Variants in NRG1 observed in about 807,000 individuals in gnomAD.
NRG1 encodes the protein neuregulin 1, also known as pro-neuregulin-1, membrane-bound isoform.
NRG1 carries 18 observed loss-of-function variants against 63.8 expected under a neutral mutation model. The observed-to-expected ratio is 0.28, with a 90% CI of 0.19 to 0.42. NRG1 has a LOEUF of 0.42. NRG1 is among the 10% of genes least tolerant of loss of function. The pLI, the probability that NRG1 is intolerant of heterozygous loss-of-function variation, is 1.00. For synonymous variants in NRG1, 302 were observed against 301.3 expected, an observed-to-expected ratio of 1.00 and a Z score of -0.02; for missense variants, 762 against 814.7, an observed-to-expected ratio of 0.94 and a Z score of 0.79.
chr8:31,689,165 T>A (rs797014118), intron 1 of NRG1, among the ~76,000 whole-genome samples: 12 of 152,344 alleles, frequency 7.9e-5, no homozygotes, highest in African/African-American at 2.9e-4. Flanking sequence ...TAAGGTCACA[T>A]GATTAACAAT....
chr8:32,321,084 A>T (rs1373091495), intron 1 of NRG1, among the ~76,000 whole-genome samples: 3 of 152,178 alleles, frequency 2.0e-5, no homozygotes, highest in Non-Finnish European at 4.4e-5. Flanking sequence ...GATCTAAAAC[A>T]CTGTGGCACT....
chr8:32,749,836 A>G lies in NRG1; in HGVS notation c.692-4536A>G, dbSNP rs545325123. 3 of 542,494 alleles carry G rather than the reference A, an allele frequency of 5.5e-6. No homozygotes were observed. The East Asian group carries it at 9.5e-5, about 17-fold the overall frequency. 33.6% of individuals were successfully genotyped at this position (542,494 alleles called of 1,614,324 possible). On this transcript the variant is annotated intron_variant, in intron 7 of 11. Coordinates refer to ENST00000356819, the Ensembl canonical transcript of NRG1. ...TTTAAAAGTACCCTACCTGCTGCAA[A>G]TTCACATATATCCCACGCTGCTTAA...
At chr8:32,324,019 T>G (rs1251496571) in intron 1 of NRG1, among the ~76,000 whole-genome samples, 1 of 151,948 alleles carries the variant, frequency 6.6e-6, no homozygotes, top group Non-Finnish European at 1.5e-5. Flanking sequence ...AACTATAAAG[T>G]GGCTACGTGA....
intron 1 of NRG1, among the ~76,000 whole-genome samples, chr8:32,251,758 G>T: frequency 6.6e-6 from 1 of 152,176 alleles, no homozygotes; most frequent in East Asian, 1.9e-4. Flanking sequence ...ACCGGCGTGA[G>T]ATGGTATCTC....
chr8:32,140,583 T>C (rs1426304339), intron 1 of NRG1, among the ~76,000 whole-genome samples: 1 of 152,076 alleles, frequency 6.6e-6, no homozygotes, highest in Non-Finnish European at 1.5e-5. Flanking sequence ...TTCCTCAGCC[T>C]ACTGAGTAGC....
At chr8:31,771,045 A>G (rs891300866) in intron 1 of NRG1, among the ~76,000 whole-genome samples, 1 of 152,116 alleles carries the variant, frequency 6.6e-6, no homozygotes, top group African/African-American at 2.4e-5. Context: ...CATATGGTTC[A>G]CTGAAACTTT....
At chr8:32,345,070 G>T (rs1032664446) in intron 1 of NRG1, among the ~76,000 whole-genome samples, 5 of 152,126 alleles carry the variant, frequency 3.3e-5, no homozygotes, top group African/African-American at 4.8e-5. Flanking sequence ...CACTTCCTCT[G>T]CAGGTGATGT....
At position 32,352,600 on chromosome 8, in the gene NRG1, G is replaced by C. The variant is rs1034916609; in HGVS notation, c.38-243228G>C. Among the ~76,000 whole-genome samples the C allele has an allele frequency of 3.0e-4, 45 of 152,104 alleles. 1 individual carries two copies. The highest frequency in any genetic ancestry group is 2.9e-3 in the Admixed American group (45 of 15,270). ...AGGAATACTTCATACTGTAAAGATG[G>C]CCAGGTGTAGTGGTTCACACCTGTA... On this transcript the variant is annotated intron_variant, in intron 1 of 10. Coordinates refer to the NRG1 transcript ENST00000519301.
At chr8:32,523,800 G>A (rs1199698993) in intron 1 of NRG1, among the ~76,000 whole-genome samples, 1 of 152,012 alleles carries the variant, frequency 6.6e-6, no homozygotes, top group Admixed American at 6.6e-5. Context: ...GCGAGATCAT[G>A]CCACTGCACT....
chr8:32,464,745 C>T (rs1228379491), intron 1 of NRG1, among the ~76,000 whole-genome samples: 2 of 152,016 alleles, frequency 1.3e-5, no homozygotes, highest in African/African-American at 4.8e-5. Flanking sequence ...ATGTCATTTC[C>T]AGCTATAAAA....
At chr8:31,899,425 A>G (rs1831883323) in intron 1 of NRG1, among the ~76,000 whole-genome samples, 1 of 152,054 alleles carries the variant, frequency 6.6e-6, no homozygotes, top group Non-Finnish European at 1.5e-5. Context: ...ATTTTTAAGC[A>G]TTTTGATTTA....
At chr8:32,022,962 C>A (rs757462071) in intron 1 of NRG1, among the ~76,000 whole-genome samples, 4 of 152,150 alleles carry the variant, frequency 2.6e-5, no homozygotes, top group Non-Finnish European at 4.4e-5. Flanking sequence ...TTCAGCACAA[C>A]CTTTTGGATT....
chr8:32,169,212 G>A (rs1365740421), intron 1 of NRG1, among the ~76,000 whole-genome samples: 1 of 152,172 alleles, frequency 6.6e-6, no homozygotes, highest in Non-Finnish European at 1.5e-5. Flanking sequence ...AAGTCACATG[G>A]CCAACTGATG....
At chr8:31,674,707 A>G (rs576031711) in intron 1 of NRG1, among the ~76,000 whole-genome samples, 68 of 152,250 alleles carry the variant, frequency 4.5e-4, no homozygotes, top group African/African-American at 1.5e-3. Context: ...TGAATATTCA[A>G]AGTTTTTGAC....
In NRG1 at chr8:32,621,179, C is replaced by T. The variant is rs1848269158; in HGVS notation, c.502+4294C>T. Among the ~76,000 whole-genome samples the T allele has an allele frequency of 2.0e-5, 3 of 152,170 alleles. 1 individual carries two copies. In the South Asian group the frequency reaches 6.2e-4, roughly 32 times the overall value. ...TTGGAAATTGGAAACTTCCATTGTTCATTCACTAGTTTAGAGTTGTTAATT... is the reference window on the plus strand; with the variant it reads ...TTGGAAATTGGAAACTTCCATTGTTTATTCACTAGTTTAGAGTTGTTAATT... On this transcript the variant is annotated intron_variant, in intron 5 of 11. Coordinates refer to ENST00000356819, the Ensembl canonical transcript of NRG1.
At chr8:31,747,954 C>G (rs2131439375) in intron 1 of NRG1, among the ~76,000 whole-genome samples, 1 of 152,034 alleles carries the variant, frequency 6.6e-6, no homozygotes. Flanking sequence ...CAAAGATTAT[C>G]CAGTAGTCTT....
At chr8:32,408,216 A>G (rs550144693) in intron 1 of NRG1, among the ~76,000 whole-genome samples, 1 of 152,308 alleles carries the variant, frequency 6.6e-6, no homozygotes, top group Admixed American at 6.5e-5. Context: ...ATTTATAGGA[A>G]AATGAATCAT....
At chr8:32,105,840 T>A (rs971346670) in intron 1 of NRG1, among the ~76,000 whole-genome samples, 1 of 152,184 alleles carries the variant, frequency 6.6e-6, no homozygotes, top group Non-Finnish European at 1.5e-5. Flanking sequence ...AAAAAAGTGA[T>A]GGGATATCAT....
chr8:31,919,880 G>GA (rs1833756400), intron 1 of NRG1, among the ~76,000 whole-genome samples: 2 of 152,096 alleles, frequency 1.3e-5, no homozygotes, highest in South Asian at 2.1e-4. Flanking sequence ...GGGTAGAAGA[G>GA]AAAAAAACAT....
Sources: gnomAD v4.1 joint callset for allele counts (sites outside exome capture counted in the v4.1 genomes callset) on GRCh38, gnomAD v4.1.1 for gene constraint, MANE v1.5 for transcripts, NCBI Gene and HGNC (gene_info 2026-07-23, HGNC 2026-07-21) for gene names.